AJAP1: variants seen among roughly 807,000 people sequenced by gnomAD.
AJAP1 encodes adherens junctions associated protein 1.
A neutral mutation model predicts 35.0 loss-of-function variants in AJAP1; 5 were observed. The observed-to-expected ratio is 0.14, with a 90% CI of 0.07 to 0.30. The LOEUF (loss-of-function observed/expected upper bound fraction) is 0.30. Among genes scored for constraint, AJAP1 ranks in the 10% least tolerant of loss-of-function variants. The pLI is 1.00. For synonymous variants in AJAP1, 284 were observed against 249.3 expected (o/e 1.14, Z -1.31); for missense variants, 586 against 571.0 (o/e 1.03, Z -0.27).
At chr1:4,739,714 T>C (rs76312234) in intron 2 of AJAP1, among the ~76,000 whole-genome samples, 104 of 152,280 alleles carry the variant, frequency 6.8e-4, no homozygotes, top group Non-Finnish European at 1.4e-3. Context: ...GGTTCTGTTT[T>C]TGGTTGTTGT....
At chr1:4,666,024 G>A (rs1570087036) in intron 1 of AJAP1, among the ~76,000 whole-genome samples, 1 of 152,200 alleles carries the variant, frequency 6.6e-6, no homozygotes. Flanking sequence ...GAGCACTGGT[G>A]GTGAGTGTGC....
At chr1:4,770,071 C>T in intron 3 of AJAP1, 131 bp downstream of exon 3, 1 of 799,492 alleles carries the variant, frequency 1.3e-6, no homozygotes, top group Non-Finnish European at 2.1e-6. Context: ...AGTTCAGCTG[C>T]CACAGGCTGC....
intron 1 of AJAP1, among the ~76,000 whole-genome samples, chr1:4,657,721 G>T (rs1169140085): frequency 2.1e-5 from 3 of 145,396 alleles, no homozygotes; most frequent in Non-Finnish European, 4.6e-5. Flanking sequence ...AGGGGGTGGG[G>T]GTGGGGGTGG....
chr1:4,769,562 C>T (rs758684024), intron 2 of AJAP1, among the ~76,000 whole-genome samples: 3 of 152,296 alleles, frequency 2.0e-5, no homozygotes, highest in Admixed American at 1.3e-4. Context: ...AGAACACAGC[C>T]GCCCATGATC....
At chr1:4,688,497 G>T (rs1639659260) in intron 1 of AJAP1, among the ~76,000 whole-genome samples, 2 of 152,268 alleles carry the variant, frequency 1.3e-5, no homozygotes, top group South Asian at 4.2e-4. Context: ...ATGGGGCCAG[G>T]TGCGGTGGCT....
At chr1:4,691,651 C>A (rs1014041643) in intron 1 of AJAP1, among the ~76,000 whole-genome samples, 1 of 152,044 alleles carries the variant, frequency 6.6e-6, no homozygotes, top group Non-Finnish European at 1.5e-5. Flanking sequence ...CATCGGATGG[C>A]AAAAGCGACC....
In AJAP1 at chr1:4,774,695, A is replaced by T. The variant is rs2100366099; in HGVS notation, c.*59+137A>T. The T allele has an allele frequency of 5.1e-6, 3 of 585,410 alleles. No homozygotes were observed. In the South Asian group the frequency reaches 6.1e-5, roughly 12 times the overall value. 36.3% of individuals were successfully genotyped at this position (585,410 alleles called of 1,614,324 possible). On this transcript the variant is annotated intron_variant, in intron 5 of 5. Transcript: ENST00000378191. ...ATTTCCAATGGCATCACTTCTCTGA[A>T]CATGAGCCGGCGGGGGGGGCTGGGC...
intron 1 of AJAP1, among the ~76,000 whole-genome samples, chr1:4,679,410 T>C (rs1639427631): frequency 6.6e-6 from 1 of 152,214 alleles, no homozygotes; most frequent in African/African-American, 2.4e-5. Context: ...GAAAGTTATT[T>C]ATATTCTGGA....
rs1368984519 is a variant in AJAP1, at chr1:4,745,342, GA to G, written c.830-24510del. 4.6e-5 allele frequency among the ~76,000 whole-genome samples: 7 copies of G among 152,110 alleles called. No individual in the cohort carries two copies. In the East Asian group the frequency reaches 1.4e-3, roughly 30 times the overall value. ...CTGGGTTCCATCCTCAGAGGGAGGGGACAGGTCTCCAGGGCTCTGCCTTTCT... is the reference window on the plus strand; with the variant it reads ...CTGGGTTCCATCCTCAGAGGGAGGGGCAGGTCTCCAGGGCTCTGCCTTTCT... On this transcript the variant is annotated intron_variant, in intron 2 of 5. Transcript: ENST00000378191.
At chr1:4,700,816 G>A (rs1639971280) in intron 1 of AJAP1, among the ~76,000 whole-genome samples, 2 of 152,200 alleles carry the variant, frequency 1.3e-5, no homozygotes, top group African/African-American at 2.4e-5. Context: ...TGATGGAGGA[G>A]CAGGCTGAAC....
At chr1:4,680,190 A>G (rs1281961199) in intron 1 of AJAP1, among the ~76,000 whole-genome samples, 4 of 152,116 alleles carry the variant, frequency 2.6e-5, no homozygotes, top group Non-Finnish European at 5.9e-5. Context: ...ACAAAGAGCA[A>G]TCAGCTTTAC....
At chr1:4,778,458 C>T (rs1213695800) in intron 5 of AJAP1, among the ~76,000 whole-genome samples, 1 of 152,224 alleles carries the variant, frequency 6.6e-6, no homozygotes, top group Non-Finnish European at 1.5e-5. Context: ...ACATGAGAGC[C>T]TCCTCCTGGG....
chr1:4,787,916 A>G lies in AJAP1; in HGVS notation c.*5431A>G, dbSNP rs1179473728. 1 of 341,418 alleles carries G rather than the reference A, an allele frequency of 2.9e-6. No individual in the cohort carries two copies. Among genetic ancestry groups the G allele is most frequent in the East Asian group, 8.2e-5 (1 of 12,190 alleles). The allele number at this position is 341,418 out of a possible 1,614,324, so 21.1% of individuals were successfully genotyped here. A position where few individuals can be genotyped will look rare whatever the true frequency, so the allele number is the denominator to read the frequency against. The stretch of plus-strand genomic sequence containing the variant: ...AGCATCTGCTTTTAAGTAAGCAGCT[A>G]TTCCAAAACATGCCGTGATTCATGT... On this transcript the variant is annotated 3_prime_UTR_variant, in exon 6 of 6. Coordinates refer to ENST00000378191, the MANE Select transcript of AJAP1 (RefSeq NM_018836.4).
rs1194748107 is a variant in AJAP1 at position 4,791,887 on chromosome 1, C to G, written c.*9402C>G. On this transcript the variant is annotated 3_prime_UTR_variant, in exon 6 of 6. Transcript: ENST00000378191. ...TATTTAAAGATGGAGCCCATTGTCC[C>G]CCCTCCTCCTCAGCTCACCCATGGA... The G allele has an allele frequency of 7.6e-6, 1 of 131,538 alleles. No individual in the cohort carries two copies. Among genetic ancestry groups the G allele is most frequent in the East Asian group, 1.9e-4 (1 of 5,160 alleles). 8.1% of individuals were successfully genotyped at this position (131,538 alleles called of 1,614,324 possible). A position where few individuals can be genotyped will look rare whatever the true frequency, so the allele number is the denominator to read the frequency against.
At chr1:4,743,770 T>TG (rs1368512640) in intron 2 of AJAP1, among the ~76,000 whole-genome samples, 1 of 152,192 alleles carries the variant, frequency 6.6e-6, no homozygotes, top group Non-Finnish European at 1.5e-5. Context: ...ACTTCATCTA[T>TG]GGGGGGTCTC....
chr1:4,675,533 T>C (rs1361750414), intron 1 of AJAP1, among the ~76,000 whole-genome samples: 2 of 152,336 alleles, frequency 1.3e-5, no homozygotes, highest in African/African-American at 4.8e-5. Context: ...TGAATGACCA[T>C]GTGGCCTACC....
At chr1:4,758,744 A>G (rs1242116747) in intron 2 of AJAP1, among the ~76,000 whole-genome samples, 1 of 151,936 alleles carries the variant, frequency 6.6e-6, no homozygotes, top group Non-Finnish European at 1.5e-5. Flanking sequence ...ATCCCACCCA[A>G]CCCTGTGCTG....
At chr1:4,737,792 C>T (rs1373858692) in intron 2 of AJAP1, among the ~76,000 whole-genome samples, 1 of 152,206 alleles carries the variant, frequency 6.6e-6, no homozygotes, top group East Asian at 1.9e-4. Context: ...GTCCCAGCTA[C>T]TCGAGAGGCT....
intron 1 of AJAP1, among the ~76,000 whole-genome samples, chr1:4,688,578 G>A (rs1051535446): frequency 6.6e-6 from 1 of 151,966 alleles, no homozygotes; most frequent in Non-Finnish European, 1.5e-5. Context: ...TTCGAGACCA[G>A]CCTGGCCAAT....
Sources: gnomAD v4.1 joint callset for allele counts (sites outside exome capture counted in the v4.1 genomes callset) on GRCh38, gnomAD v4.1.1 for gene constraint, MANE v1.5 for transcripts, NCBI Gene and HGNC (gene_info 2026-07-23, HGNC 2026-07-21) for gene names.